Variants in PCDH15 observed in about 807,000 individuals in gnomAD.
The protein encoded by PCDH15 is protocadherin-15.
In PCDH15, 129 loss-of-function variants were observed where a neutral mutation model predicts 178.5. That is an observed-to-expected ratio of 0.72 (90% CI 0.63 to 0.84). PCDH15 has a LOEUF of 0.84. Among genes scored for constraint, PCDH15 ranks in the 40% least tolerant of loss-of-function variants. The pLI, the probability that PCDH15 is intolerant of heterozygous loss-of-function variation, is 0.00. For synonymous variants in PCDH15, 800 were observed against 732.0 expected, an observed-to-expected ratio of 1.09 and a Z score of -1.50; for missense variants, 2,230 against 2,099.9, an observed-to-expected ratio of 1.06 and a Z score of -1.21.
intron 2 of PCDH15, among the ~76,000 whole-genome samples, chr10:54,941,592 T>C (rs1441802267): frequency 1.3e-5 from 2 of 152,138 alleles, no homozygotes; most frequent in African/African-American, 4.8e-5. Flanking sequence ...CTGCCTGTTT[T>C]TGTCATTGTT....
intron 18 of PCDH15, among the ~76,000 whole-genome samples, chr10:54,025,653 C>A (rs927195353): frequency 2.6e-5 from 4 of 152,088 alleles, no homozygotes; most frequent in Admixed American, 6.5e-5. Context: ...CACCTGTCAC[C>A]ATGCCCAGCT....
intron 1 of PCDH15, among the ~76,000 whole-genome samples, chr10:55,275,899 G>C (rs1415475766): frequency 1.3e-5 from 2 of 151,318 alleles, no homozygotes; most frequent in Non-Finnish European, 3.0e-5. Context: ...ACCCAATAAT[G>C]AGGTATATAA....
intron 21 of PCDH15, among the ~76,000 whole-genome samples, chr10:53,980,459 A>C (rs992189846): frequency 3.3e-5 from 5 of 152,132 alleles, no homozygotes; most frequent in Admixed American, 6.5e-5. Context: ...CATGGATGAC[A>C]TCAGAGTTAC....
intron 2 of PCDH15, among the ~76,000 whole-genome samples, chr10:55,613,178 G>A (rs1436473256): frequency 2.6e-5 from 4 of 151,892 alleles, no homozygotes; most frequent in Non-Finnish European, 5.9e-5. Flanking sequence ...TTTGCCTCAT[G>A]TTCCCTAACC....
At chr10:54,868,526 T>A (rs971349213) in intron 3 of PCDH15, among the ~76,000 whole-genome samples, 6 of 152,136 alleles carry the variant, frequency 3.9e-5, no homozygotes. Context: ...CTCTAGGTGC[T>A]TCATCAGATC....
chr10:55,075,352 T>A (rs1399330351), intron 2 of PCDH15, among the ~76,000 whole-genome samples: 1 of 146,184 alleles, frequency 6.8e-6, no homozygotes, highest in Non-Finnish European at 1.5e-5. Flanking sequence ...TAACAGATTA[T>A]CAATTTTGTT....
intron 2 of PCDH15, among the ~76,000 whole-genome samples, chr10:55,034,164 A>G (rs890898257): frequency 2.6e-5 from 4 of 152,218 alleles, no homozygotes; most frequent in Non-Finnish European, 5.9e-5. Flanking sequence ...AGAAAAATAG[A>G]GTTCAGAGTG....
chr10:55,213,108 G>A (rs1019623112), intron 1 of PCDH15, among the ~76,000 whole-genome samples: 1 of 151,974 alleles, frequency 6.6e-6, no homozygotes, highest in African/African-American at 2.4e-5. Flanking sequence ...ACTGTGAGTC[G>A]CAATTTCTGG....
chr10:54,629,076 T>G (rs564802592), intron 2 of PCDH15, among the ~76,000 whole-genome samples: 4 of 152,210 alleles, frequency 2.6e-5, no homozygotes, highest in Admixed American at 6.5e-5. Flanking sequence ...TTGCTAAATT[T>G]CTGAATAATG....
At chr10:55,434,114 T>G (rs1050600843) in intron 2 of PCDH15, among the ~76,000 whole-genome samples, 5 of 134,972 alleles carry the variant, frequency 3.7e-5, no homozygotes, top group African/African-American at 1.4e-4. Flanking sequence ...GGTGTCTCTC[T>G]CTGTCGCCCA....
At chr10:55,364,219 A>T (rs922293696) in intron 2 of PCDH15, among the ~76,000 whole-genome samples, 2 of 152,092 alleles carry the variant, frequency 1.3e-5, no homozygotes, top group African/African-American at 4.8e-5. Context: ...CTCCCCAGCC[A>T]TGCTGAACTG....
At chr10:54,872,974 C>T (rs1954066503) in intron 3 of PCDH15, among the ~76,000 whole-genome samples, 1 of 151,846 alleles carries the variant, frequency 6.6e-6, no homozygotes, top group Admixed American at 6.6e-5. Context: ...TGAAAATGTT[C>T]TAAGACCCCT....
intron 2 of PCDH15, among the ~76,000 whole-genome samples, chr10:55,128,008 G>C (rs1476688419): frequency 6.6e-6 from 1 of 151,982 alleles, no homozygotes; most frequent in African/African-American, 2.4e-5. Flanking sequence ...CCTCAGACTG[G>C]AGTATATTCA....
At chr10:55,072,155 A>G (rs1428062015) in intron 2 of PCDH15, among the ~76,000 whole-genome samples, 1 of 152,204 alleles carries the variant, frequency 6.6e-6, no homozygotes, top group Non-Finnish European at 1.5e-5. Flanking sequence ...GGAAAGATGC[A>G]AAATTGACAC....
chr10:54,118,436 G>T (rs550185854), intron 15 of PCDH15, among the ~76,000 whole-genome samples: 47 of 152,170 alleles, frequency 3.1e-4, no homozygotes, highest in African/African-American at 1.0e-3. Context: ...CAAGGAGGGC[G>T]GATCACGAGG....
intron 2 of PCDH15, among the ~76,000 whole-genome samples, chr10:55,018,378 C>A (rs922700019): frequency 6.6e-6 from 1 of 152,064 alleles, no homozygotes; most frequent in South Asian, 2.1e-4. Context: ...CATATCCTCC[C>A]TTATACTTGA....
intron 13 of PCDH15, among the ~76,000 whole-genome samples, chr10:54,164,469 T>C (rs1280937720): frequency 6.6e-6 from 1 of 152,182 alleles, no homozygotes; most frequent in African/African-American, 2.4e-5. Context: ...AGAGAAAGAA[T>C]TGAATTTACG....
chr10:54,382,376 C>T (rs1388568552), intron 3 of PCDH15, among the ~76,000 whole-genome samples: 1 of 152,094 alleles, frequency 6.6e-6, no homozygotes. Flanking sequence ...TCTATTTGTA[C>T]AGAATAAATG....
At chr10:55,491,900 C>A (rs754769628) in intron 2 of PCDH15, among the ~76,000 whole-genome samples, 1 of 151,698 alleles carries the variant, frequency 6.6e-6, no homozygotes, top group Non-Finnish European at 1.5e-5. Context: ...AGGCACTAAG[C>A]TGCACCTACT....
Sources: gnomAD v4.1 joint callset for allele counts (sites outside exome capture counted in the v4.1 genomes callset) on GRCh38, gnomAD v4.1.1 for gene constraint, MANE v1.5 for transcripts, NCBI Gene and HGNC (gene_info 2026-07-23, HGNC 2026-07-21) for gene names.